Variants in PUS10 observed in about 807,000 individuals in gnomAD.
The protein encoded by PUS10 is pseudouridine synthase 10.
In PUS10, 59 loss-of-function variants were observed where a neutral mutation model predicts 75.0. That is an observed-to-expected ratio of 0.79 (90% confidence interval 0.64 to 0.98). PUS10 has a LOEUF of 0.98. PUS10 is among the 50% of genes least tolerant of loss of function. The probability of loss-of-function intolerance (pLI) is 0.00; values close to 1 mark genes in which losing one functional copy is unlikely to be tolerated. For missense variants in PUS10, 650 were observed against 614.4 expected (o/e 1.06, Z -0.61); for synonymous variants, 219 against 211.6 (o/e 1.03, Z -0.30).
intron 4 of PUS10, among the ~76,000 whole-genome samples, chr2:60,990,682 C>T (rs1207346777): frequency 6.6e-6 from 1 of 152,230 alleles, no homozygotes; most frequent in African/African-American, 2.4e-5. Context: ...CAAAAATCCT[C>T]TCTGGAGGAG....
At chr2:60,957,480 GAT>G (rs1344250066) in intron 11 of PUS10, among the ~76,000 whole-genome samples, 1 of 152,234 alleles carries the variant, frequency 6.6e-6, no homozygotes, top group East Asian at 1.9e-4. Flanking sequence ...ACACCACTGG[GAT>G]GGCTACCTGT....
intron 17 of PUS10, chr2:60,944,345 AAC>A: frequency 2.5e-6 from 1 of 393,420 alleles, no homozygotes; most frequent in Non-Finnish European, 3.5e-6. Context: ...CACATTGGGC[AAC>A]TATGCCCACT....
At chr2:61,002,766 C>T (rs1558981748) in intron 4 of PUS10, among the ~76,000 whole-genome samples, 2 of 152,162 alleles carry the variant, frequency 1.3e-5, no homozygotes, top group African/African-American at 2.4e-5. Context: ...CCATGACAGT[C>T]GTAAGGTATT....
chr2:61,010,668 T>C, intron 2 of PUS10: 1 of 1,110,430 alleles, frequency 9.0e-7, no homozygotes, highest in Non-Finnish European at 1.3e-6. Flanking sequence ...TATTAGGTAT[T>C]GTCCCTTAAA....
At chr2:60,956,738 G>A (rs1159145450) in intron 11 of PUS10, among the ~76,000 whole-genome samples, 1 of 152,126 alleles carries the variant, frequency 6.6e-6, no homozygotes, top group East Asian at 1.9e-4. Flanking sequence ...CACTTTGGGA[G>A]GCTAAGGCAG....
intron 16 of PUS10, among the ~76,000 whole-genome samples, chr2:60,946,815 CAT>C (rs889578702): frequency 6.2e-5 from 9 of 144,074 alleles, no homozygotes; most frequent in African/African-American, 1.6e-4. Context: ...GCTTTTTTCC[CAT>C]ATATATATAT....
chr2:61,006,066 CAAAG>C (rs1242160654), intron 4 of PUS10, among the ~76,000 whole-genome samples: 1 of 151,634 alleles, frequency 6.6e-6, no homozygotes, highest in Non-Finnish European at 1.5e-5. Context: ...TTTCACTTAA[CAAAG>C]AAAACAGTTT....
chr2:60,962,242 T>G (rs1676068166), intron 9 of PUS10, among the ~76,000 whole-genome samples: 1 of 152,180 alleles, frequency 6.6e-6, no homozygotes, highest in Non-Finnish European at 1.5e-5. Context: ...AACTCCTTCT[T>G]TGGACACACT....
chr2:61,010,081 T>C (rs1679499486), intron 2 of PUS10: 1 of 152,348 alleles, frequency 6.6e-6, no homozygotes, highest in Non-Finnish European at 1.5e-5. Context: ...CCAAATATTC[T>C]TGTATATTGC....
chr2:60,967,214 G>C (rs781216370), intron 6 of PUS10: 10 of 277,394 alleles, frequency 3.6e-5, no homozygotes, highest in Non-Finnish European at 5.9e-5. Flanking sequence ...CATCAAGTCT[G>C]ATGCTTTGCA....
In PUS10 at chr2:60,974,119, C is replaced by G. The variant is rs1199248663; in HGVS notation, c.469-2562G>C. Among the ~76,000 whole-genome samples the G allele has an allele frequency of 3.3e-5, 5 of 151,996 alleles. 1 individual carries two copies. The highest frequency in any genetic ancestry group is 2.0e-4 in the Admixed American group (3 of 15,248). On this transcript the variant is annotated intron_variant, in intron 4 of 17. Transcript: ENST00000316752. ...GAGGAGCTACTCTCTCTGCTGAGAG[C>G]TGAACACTTATCGGGACACCCTGGC...
intron 11 of PUS10, among the ~76,000 whole-genome samples, chr2:60,959,253 G>A (rs1352720761): frequency 6.6e-6 from 1 of 152,218 alleles, no homozygotes; most frequent in Non-Finnish European, 1.5e-5. Flanking sequence ...CACTGGATGT[G>A]GAAGATGTGT....
chr2:60,984,462 G>A (rs1339519884), intron 4 of PUS10, among the ~76,000 whole-genome samples: 3 of 152,186 alleles, frequency 2.0e-5, no homozygotes, highest in Admixed American at 1.3e-4. Flanking sequence ...GTAATACACT[G>A]CTGTAAACTG....
At chr2:60,952,741 T>C (rs1349604697) in intron 15 of PUS10, among the ~76,000 whole-genome samples, 1 of 152,212 alleles carries the variant, frequency 6.6e-6, no homozygotes, top group Non-Finnish European at 1.5e-5. Flanking sequence ...AGCTCAGAAA[T>C]GCAGATCCAG....
intron 17 of PUS10, 152 bp from the exon 18 acceptor site, chr2:60,942,585 C>T (rs1674685384): frequency 9.3e-6 from 6 of 642,800 alleles, no homozygotes; most frequent in Non-Finnish European, 1.7e-5. Context: ...AATTAACCCT[C>T]AAGTCTGTTC....
At chr2:60,965,306 A>C in intron 7 of PUS10, 117 bp downstream of exon 7, 1 of 1,025,132 alleles carries the variant, frequency 9.8e-7, no homozygotes, top group Non-Finnish European at 1.5e-6. Flanking sequence ...TTTTAAACCT[A>C]CTAAGACATA....
chr2:61,003,949 T>C (rs1679029456), intron 4 of PUS10, among the ~76,000 whole-genome samples: 1 of 152,230 alleles, frequency 6.6e-6, no homozygotes, highest in Non-Finnish European at 1.5e-5. Context: ...TTTAAATAGA[T>C]CTGTGATAAT....
At chr2:61,009,836 C>G (rs1343566682) in intron 2 of PUS10, 1 of 152,228 alleles carries the variant, frequency 6.6e-6, no homozygotes, top group East Asian at 1.9e-4. Flanking sequence ...GGGAAAAAAT[C>G]TTTCACTCAA....
rs1674860810 is a variant in PUS10, at chr2:60,945,101, T to C, written c.1459A>G (p.Lys487Glu). ...HLKTQAGTYI[K>E]EFVHGDFGRT... ...CCGAAGTCTCCATGTACAAACTCTT[T>C]AATGTAGCTGGGGTTTGTTTAAGGA... Residue 487 changes from lysine to glutamate, a missense_variant, in exon 17 of 18, where the codon AAA becomes GAA. By Grantham distance (56) the Lys-to-Glu change is moderately conservative (BLOSUM62 1). Transcript: ENST00000316752. 1 of 1,611,634 alleles carries C rather than the reference T, an allele frequency of 6.2e-7. No individual in the cohort carries two copies. Among genetic ancestry groups the C allele is most frequent in the Non-Finnish European group, 8.5e-7 (1 of 1,177,846 alleles).
Sources: allele counts gnomAD v4.1 joint callset (sites outside exome capture counted in the v4.1 genomes callset), GRCh38; gene constraint gnomAD v4.1.1; transcripts MANE v1.5; gene names NCBI Gene and HGNC (gene_info 2026-07-23, HGNC 2026-07-21).